Variants in ZNF704 observed in about 807,000 individuals in gnomAD.
ZNF704 encodes the protein glucocorticoid induced gene 1.
In ZNF704, 10 loss-of-function variants were observed where a neutral mutation model predicts 44.7. That is an observed-to-expected ratio of 0.22 (90% confidence interval 0.14 to 0.38). The LOEUF (loss-of-function observed/expected upper bound fraction) is 0.38. Ranked by LOEUF, ZNF704 falls within the 10% of genes least tolerant of loss-of-function variation. The pLI is 1.00. For missense variants in ZNF704, 390 were observed against 545.5 expected, an observed-to-expected ratio of 0.71 and a Z score of 2.84; for synonymous variants, 211 against 207.6, an observed-to-expected ratio of 1.02 and a Z score of -0.14.
chr8:80,823,332 C>G (rs1277377185), intron 1 of ZNF704, among the ~76,000 whole-genome samples: 1 of 152,210 alleles, frequency 6.6e-6, no homozygotes, highest in Non-Finnish European at 1.5e-5. Context: ...GCAAGGACAG[C>G]AGTCTGAGAT....
At chr8:80,663,263 C>T (rs1418879607) in intron 6 of ZNF704, among the ~76,000 whole-genome samples, 1 of 151,758 alleles carries the variant, frequency 6.6e-6, no homozygotes, top group Non-Finnish European at 1.5e-5. Flanking sequence ...CACCTGTAGT[C>T]CCAGCTGCTT....
chr8:80,789,314 C>T (rs1563553940), intron 2 of ZNF704, among the ~76,000 whole-genome samples: 1 of 152,124 alleles, frequency 6.6e-6, no homozygotes, highest in Admixed American at 6.5e-5. Context: ...GAACTAGCTA[C>T]TGATTATGAG....
chr8:80,861,990 C>A (rs1809069645), intron 1 of ZNF704, among the ~76,000 whole-genome samples: 1 of 135,894 alleles, frequency 7.4e-6, no homozygotes, highest in African/African-American at 2.9e-5. Flanking sequence ...AAAAAAATAA[C>A]CTTTTTTTTT....
At chr8:80,864,691 T>C (rs1053033938) in intron 1 of ZNF704, among the ~76,000 whole-genome samples, 34 of 152,286 alleles carry the variant, frequency 2.2e-4, no homozygotes, top group African/African-American at 7.2e-4. Flanking sequence ...AAACAAAGAA[T>C]GACTTCTTCA....
At chr8:80,660,694 C>T (rs1818089291) in intron 6 of ZNF704, among the ~76,000 whole-genome samples, 1 of 152,076 alleles carries the variant, frequency 6.6e-6, no homozygotes, top group African/African-American at 2.4e-5. Context: ...GGGGAAAGGA[C>T]ATCCTCTTCA....
Position 80,848,585 on chromosome 8 carries a change from C to T in ZNF704, c.-22+25986G>A, listed in dbSNP as rs1808806052. 3.9e-5 allele frequency among the ~76,000 whole-genome samples: 6 copies of T among 152,010 alleles called. No individual in the cohort carries two copies. The South Asian group carries it at 1.2e-3, about 32-fold the overall frequency. On this transcript the variant is annotated intron_variant, in intron 1 of 8. Transcript: ENST00000327835. ...CTAGACTGGGTGAGGTGGTTCATGC[C>T]TGTAATCCCAGCACTTTGGGGGGCC... is the stretch of plus-strand genomic sequence containing the variant.
chr8:80,851,571 T>C (rs575184160), intron 1 of ZNF704, among the ~76,000 whole-genome samples: 3 of 108,206 alleles, frequency 2.8e-5, no homozygotes, highest in Non-Finnish European at 3.7e-5. Flanking sequence ...CTGGGGACTG[T>C]TGTGGGGTGG....
At chr8:80,690,507 G>GCAACCCCAAAATCCTAGGC in intron 3 of ZNF704, among the ~76,000 whole-genome samples, 1 of 152,186 alleles carries the variant, frequency 6.6e-6, no homozygotes, top group Admixed American at 6.5e-5. Flanking sequence ...TAAGCTCAAT[G>GCAACCCCAAAATCCTAGGC]CAACCCCAAA....
rs1430155301 is a variant in ZNF704, at chr8:80,638,806, A to G, written c.*2560T>C. ...CACCTGAAGCCAGAAAAGAAAGTACACAGAGCCGTGGGCTAGCAGGCAGAA... is the reference window on the plus strand; with the variant it reads ...CACCTGAAGCCAGAAAAGAAAGTACGCAGAGCCGTGGGCTAGCAGGCAGAA... On this transcript the variant is annotated 3_prime_UTR_variant, in exon 9 of 9. Coordinates refer to ENST00000327835, the MANE Select transcript of ZNF704 (RefSeq NM_001033723.3). 1 of 152,330 alleles carries G rather than the reference A, an allele frequency of 6.6e-6. No individual in the cohort carries two copies. Among genetic ancestry groups the G allele is most frequent in the African/African-American group, 2.4e-5 (1 of 41,460 alleles). 9.4% of individuals were successfully genotyped at this position (152,330 alleles called of 1,614,324 possible).
intron 2 of ZNF704, among the ~76,000 whole-genome samples, chr8:80,817,978 TA>T (rs1808203997): frequency 2.0e-5 from 3 of 152,178 alleles, no homozygotes; most frequent in African/African-American, 7.2e-5. Flanking sequence ...TTTTACTGAG[TA>T]CTGGGTTTGT....
intron 2 of ZNF704, among the ~76,000 whole-genome samples, chr8:80,744,611 G>A (rs976277703): frequency 1.3e-4 from 20 of 152,134 alleles, no homozygotes; most frequent in African/African-American, 4.8e-4. Context: ...CTGCAAATTA[G>A]TGCATGACAT....
Position 80,826,623 on chromosome 8 carries a change from AAGG to A in ZNF704, c.-21-5011_-21-5009del, listed in dbSNP as rs575420890. Among the ~76,000 whole-genome samples the A allele has an allele frequency of 3.0e-4, 45 of 152,314 alleles. 1 individual carries two copies. In the South Asian group the frequency reaches 9.1e-3, roughly 31 times the overall value. On this transcript the variant is annotated intron_variant, in intron 1 of 8. Coordinates refer to ENST00000327835, the MANE Select transcript of ZNF704 (RefSeq NM_001033723.3). ...AAAGCCGGGCAGAGACACAACAAAAAAGGAGAATTTTAGACCAATATCCCTGAT... is the reference window on the plus strand; with the variant it reads ...AAAGCCGGGCAGAGACACAACAAAAAAGAATTTTAGACCAATATCCCTGAT...
chr8:80,853,225 G>T (rs1040199164), intron 1 of ZNF704, among the ~76,000 whole-genome samples: 1 of 152,168 alleles, frequency 6.6e-6, no homozygotes, highest in African/African-American at 2.4e-5. Context: ...AATTAGCCAG[G>T]CATGGTGGTG....
intron 2 of ZNF704, among the ~76,000 whole-genome samples, chr8:80,765,434 T>C (rs1448663002): frequency 6.6e-6 from 1 of 152,154 alleles, no homozygotes; most frequent in Non-Finnish European, 1.5e-5. Flanking sequence ...ATGCCTAAAA[T>C]TCAGTCCACA....
chr8:80,643,357 A>G (rs1277348678), intron 7 of ZNF704, among the ~76,000 whole-genome samples: 1 of 151,956 alleles, frequency 6.6e-6, no homozygotes, highest in Non-Finnish European at 1.5e-5. Context: ...GTCTGTACCA[A>G]AAAGTACAAA....
intron 2 of ZNF704, among the ~76,000 whole-genome samples, chr8:80,793,148 G>C (rs903060465): frequency 1.3e-5 from 2 of 152,212 alleles, no homozygotes; most frequent in African/African-American, 4.8e-5. Flanking sequence ...ATTTGGAATT[G>C]AATAACCTAA....
intron 2 of ZNF704, among the ~76,000 whole-genome samples, chr8:80,734,699 G>A (rs2131684786): frequency 6.6e-6 from 1 of 152,306 alleles, no homozygotes; most frequent in Non-Finnish European, 1.5e-5. Context: ...ATAAGTTTTA[G>A]CATGTATTCC....
At chr8:80,768,368 G>GA (rs1322634863) in intron 2 of ZNF704, among the ~76,000 whole-genome samples, 1 of 152,036 alleles carries the variant, frequency 6.6e-6, no homozygotes, top group Non-Finnish European at 1.5e-5. Flanking sequence ...GGCTAAACTG[G>GA]AAAAAATCAG....
At chr8:80,644,451 CT>C (rs541006304) in intron 7 of ZNF704, among the ~76,000 whole-genome samples, 21 of 149,292 alleles carry the variant, frequency 1.4e-4, no homozygotes, top group East Asian at 3.9e-4. Context: ...AAGAATGTTT[CT>C]TTTTTTTTTA....
Sources: allele counts gnomAD v4.1 joint callset (sites outside exome capture counted in the v4.1 genomes callset), GRCh38; gene constraint gnomAD v4.1.1; transcripts MANE v1.5; gene names NCBI Gene and HGNC (gene_info 2026-07-23, HGNC 2026-07-21).